AKAP13: variants seen among roughly 807,000 people sequenced by gnomAD.
The protein encoded by AKAP13 is A-kinase anchoring protein 13.
A neutral mutation model predicts 264.5 loss-of-function variants in AKAP13; 80 were observed. That is an observed-to-expected ratio of 0.30 (90% CI 0.25 to 0.36). The LOEUF (loss-of-function observed/expected upper bound fraction) is 0.36. Ranked by LOEUF, AKAP13 falls within the 10% of genes least tolerant of loss-of-function variation. The probability of loss-of-function intolerance (pLI) is 1.00; values close to 1 mark genes in which losing one functional copy is unlikely to be tolerated. For missense variants in AKAP13, 3,712 were observed against 3,435.2 expected (o/e 1.08, Z -2.01); for synonymous variants, 1,380 against 1,250.2 (o/e 1.10, Z -2.19).
chr15:85,712,767 T>G (rs1264844785), intron 19 of AKAP13, among the ~76,000 whole-genome samples: 1 of 152,156 alleles, frequency 6.6e-6, no homozygotes, highest in Non-Finnish European at 1.5e-5. Context: ...TGGTGTCGAA[T>G]TTTTGACCTC....
intron 3 of AKAP13, among the ~76,000 whole-genome samples, chr15:85,523,223 C>CGA (rs1334709903): frequency 1.3e-5 from 2 of 152,050 alleles, no homozygotes; most frequent in Admixed American, 1.3e-4. Context: ...CTGCTTATCA[C>CGA]ATATGAGATT....
chr15:85,690,118 T>C (rs2151630595), intron 16 of AKAP13: 1 of 152,384 alleles, frequency 6.6e-6, no homozygotes, highest in East Asian at 1.9e-4. Context: ...AGAGCCTGAC[T>C]TCTTTAAAGC....
intron 9 of AKAP13, among the ~76,000 whole-genome samples, chr15:85,640,294 T>G (rs933873236): frequency 6.6e-6 from 1 of 152,166 alleles, no homozygotes; most frequent in Non-Finnish European, 1.5e-5. Context: ...GTTTTTTTAG[T>G]CTGTTTTACC....
At chr15:85,501,648 G>C (rs2076040309) in intron 2 of AKAP13, among the ~76,000 whole-genome samples, 1 of 152,180 alleles carries the variant, frequency 6.6e-6, no homozygotes, top group African/African-American at 2.4e-5. Flanking sequence ...ATGATCTCAT[G>C]AGATAACTAT....
intron 25 of AKAP13, among the ~76,000 whole-genome samples, 180 bp downstream of exon 25, chr15:85,722,527 A>C (rs2087351431): frequency 6.6e-6 from 1 of 152,244 alleles, no homozygotes; most frequent in Non-Finnish European, 1.5e-5. Flanking sequence ...GACTTAGGAT[A>C]GATGATAGCA....
At chr15:85,559,829 G>A (rs12164925) in intron 5 of AKAP13, among the ~76,000 whole-genome samples, 55,923 of 151,836 alleles carry the variant, frequency 0.37, 10,523 homozygotes, top group African/African-American at 0.42. Context: ...CCATAGACTG[G>A]TACTGGTTTG....
At position 85,569,178 on chromosome 15, in the gene AKAP13, A is replaced by G. The variant is rs140982949; in HGVS notation, c.663-5953A>G. Among the ~76,000 whole-genome samples the G allele has an allele frequency of 6.3e-3, 965 of 152,270 alleles. 11 individuals are homozygous for G. The highest frequency in any genetic ancestry group is 0.022 in the African/African-American group (904 of 41,528). On this transcript the variant is annotated intron_variant, in intron 5 of 36. Coordinates refer to ENST00000394518, the MANE Select transcript of AKAP13 (RefSeq NM_007200.5). The stretch of plus-strand genomic sequence containing the variant: ...TGAAATTTGAAGGTGCCCATTAGAC[A>G]CCCTGGTAAAGACATTCATAAAGTA...
intron 19 of AKAP13, among the ~76,000 whole-genome samples, chr15:85,715,348 A>T (rs1284560754): frequency 3.3e-5 from 5 of 152,182 alleles, no homozygotes; most frequent in African/African-American, 7.2e-5. Flanking sequence ...TGTCATTTTC[A>T]GTCTTTTGCT....
At chr15:85,439,796 A>T (rs1248173649) in intron 1 of AKAP13, among the ~76,000 whole-genome samples, 1 of 125,668 alleles carries the variant, frequency 8.0e-6, no homozygotes, top group Non-Finnish European at 1.6e-5. Flanking sequence ...CAGGAAGGGG[A>T]ATATCACACT....
At chr15:85,461,799 T>A (rs2074529825) in intron 1 of AKAP13, among the ~76,000 whole-genome samples, 1 of 152,194 alleles carries the variant, frequency 6.6e-6, no homozygotes, top group Admixed American at 6.5e-5. Flanking sequence ...CCCTTTTGGA[T>A]AGAAGTTTTT....
chr15:85,498,197 G>GATATATATATATATATATATAT (rs1491342478), intron 2 of AKAP13, among the ~76,000 whole-genome samples: 309 of 29,856 alleles, frequency 0.01, 11 homozygotes, highest in Admixed American at 0.029. Context: ...TAAATGAAGT[G>GATATATATATATATATATATAT]AGATATATAT....
intron 5 of AKAP13, among the ~76,000 whole-genome samples, chr15:85,547,326 G>A (rs1183118066): frequency 6.6e-6 from 1 of 151,652 alleles, no homozygotes; most frequent in African/African-American, 2.4e-5. Flanking sequence ...TTTAAGTGGG[G>A]TGTGGGGAGC....
At chr15:85,620,003 A>T in intron 8 of AKAP13, 1 of 1,513,430 alleles carries the variant, frequency 6.6e-7, no homozygotes. Flanking sequence ...AACCGTGAGA[A>T]ATTTGGAACT....
chr15:85,584,049 G>T (rs1019536107), intron 7 of AKAP13, among the ~76,000 whole-genome samples: 8 of 152,118 alleles, frequency 5.3e-5, no homozygotes, highest in African/African-American at 1.9e-4. Context: ...GCCAGGATTG[G>T]GAAAATCCCT....
intron 5 of AKAP13, among the ~76,000 whole-genome samples, chr15:85,558,520 G>A (rs577446557): frequency 6.6e-6 from 1 of 152,196 alleles, no homozygotes; most frequent in African/African-American, 2.4e-5. Flanking sequence ...TGAAGATGGG[G>A]GTCCTGCCTA....
chr15:85,426,905 T>C (rs2072803805), intron 1 of AKAP13, among the ~76,000 whole-genome samples: 1 of 152,082 alleles, frequency 6.6e-6, no homozygotes, highest in South Asian at 2.1e-4. Context: ...TTAAGTTGTA[T>C]GTGTCTGAAG....
At chr15:85,648,735 A>G (rs921491155) in intron 10 of AKAP13, among the ~76,000 whole-genome samples, 8 of 152,130 alleles carry the variant, frequency 5.3e-5, no homozygotes, top group African/African-American at 1.9e-4. Context: ...GCTATTCAGG[A>G]GGCTGAGGTG....
At chr15:85,568,776 C>G (rs767709844) in intron 5 of AKAP13, among the ~76,000 whole-genome samples, 1 of 152,158 alleles carries the variant, frequency 6.6e-6, no homozygotes, top group Admixed American at 6.5e-5. Flanking sequence ...GTATTTCACT[C>G]TCAATACAAA....
intron 8 of AKAP13, among the ~76,000 whole-genome samples, chr15:85,616,991 A>T (rs140053551): frequency 1.3e-5 from 2 of 152,384 alleles, no homozygotes; most frequent in Non-Finnish European, 2.9e-5. Context: ...CCTGTGGCAC[A>T]AAGCCAGAAG....
Sources: allele counts gnomAD v4.1 joint callset (sites outside exome capture counted in the v4.1 genomes callset), GRCh38; gene constraint gnomAD v4.1.1; transcripts MANE v1.5; gene names NCBI Gene and HGNC (gene_info 2026-07-23, HGNC 2026-07-21).